The following ZNF521 variants were observed in gnomAD, a reference collection of about 807,000 sequenced individuals.
ZNF521 encodes the protein zinc finger protein 521.
A neutral mutation model predicts 105.5 loss-of-function variants in ZNF521; 14 were observed. The ratio of observed to expected loss-of-function variants is 0.13; its 90% confidence interval spans 0.09 to 0.21. The LOEUF is 0.21. Ranked by LOEUF, ZNF521 falls within the 10% of genes least tolerant of loss-of-function variation. The probability of loss-of-function intolerance (pLI) is 1.00; values close to 1 mark genes in which losing one functional copy is unlikely to be tolerated. For synonymous variants in ZNF521, 635 were observed against 606.0 expected, an observed-to-expected ratio of 1.05 and a Z score of -0.70; for missense variants, 1,233 against 1,629.7, an observed-to-expected ratio of 0.76 and a Z score of 4.19.
At chr18:25,204,007 G>C (rs539317165) in intron 4 of ZNF521, among the ~76,000 whole-genome samples, 28 of 152,048 alleles carry the variant, frequency 1.8e-4, no homozygotes, top group Non-Finnish European at 3.8e-4. Flanking sequence ...GCACCTCCCC[G>C]CCACTCTCTA....
intron 7 of ZNF521, among the ~76,000 whole-genome samples, chr18:25,070,449 A>G (rs1379811411): frequency 6.6e-6 from 1 of 152,152 alleles, no homozygotes; most frequent in East Asian, 1.9e-4. Context: ...ATCTCATCCA[A>G]AGCAACCTAG....
At chr18:25,313,235 G>A (rs1228765647) in intron 3 of ZNF521, among the ~76,000 whole-genome samples, 2 of 152,056 alleles carry the variant, frequency 1.3e-5, no homozygotes, top group African/African-American at 2.4e-5. Flanking sequence ...AGTCTACAGT[G>A]TCCAGCAAAC....
intron 7 of ZNF521, among the ~76,000 whole-genome samples, chr18:25,065,735 A>G (rs1368665278): frequency 6.6e-6 from 1 of 152,190 alleles, no homozygotes. Flanking sequence ...GTAAAAGAGT[A>G]CACAGTGCAA....
At position 25,227,513 on chromosome 18, in the gene ZNF521, G is replaced by C. The variant is rs763834746; in HGVS notation, c.405C>G (p.His135Gln). 1 of 1,613,984 alleles carries C rather than the reference G, an allele frequency of 6.2e-7. No homozygotes were observed. The highest frequency in any genetic ancestry group is 8.5e-7 in the Non-Finnish European group (1 of 1,180,014). Residue 135 changes from histidine to glutamine, a missense_variant, in exon 4 of 8, where the codon CAC (histidine) becomes CAG (glutamine). Physicochemically the swap from His to Gln is conservative, Grantham distance 24 (BLOSUM62 0). Around this residue, in one of 6 missense-constraint regions of ZNF521, gnomAD observed 85 missense variants for 162.2 expected, o/e 0.52. Transcript: ENST00000361524. This position sits in a 1 kb window ranked among gnomAD's most constrained non-coding sequence, Gnocchi z 5.7. Reference protein sequence around the residue: ...KSFSRLSYLKHHEQSHSDKLP... With the variant: ...KSFSRLSYLKQHEQSHSDKLP... ...GTTTGTCACTGTGACTCTGCTCATGGTGCTTTAGGTAGCTGAGGCGGCTAA... is the reference window on the plus strand; with the variant it reads ...GTTTGTCACTGTGACTCTGCTCATGCTGCTTTAGGTAGCTGAGGCGGCTAA...
At chr18:25,345,537 T>A (rs922544688) in intron 2 of ZNF521, among the ~76,000 whole-genome samples, 1 of 152,218 alleles carries the variant, frequency 6.6e-6, no homozygotes, top group Non-Finnish European at 1.5e-5. Context: ...TTTTTGTTTT[T>A]AAGGCCAAGT....
chr18:25,101,024 T>C (rs1485290987), intron 5 of ZNF521, among the ~76,000 whole-genome samples: 1 of 152,216 alleles, frequency 6.6e-6, no homozygotes, highest in Non-Finnish European at 1.5e-5. Context: ...TCATGTATTC[T>C]AAATTAAACC....
intron 3 of ZNF521, among the ~76,000 whole-genome samples, chr18:25,270,199 C>A (rs1157467389): frequency 6.6e-6 from 1 of 152,070 alleles, no homozygotes; most frequent in Non-Finnish European, 1.5e-5. Context: ...TGGATAAATT[C>A]CGGGACACAA....
At chr18:25,341,566 T>C (rs4371236) in intron 2 of ZNF521, among the ~76,000 whole-genome samples, 69,235 of 152,030 alleles carry the variant, frequency 0.46, 16,122 homozygotes, top group Middle Eastern at 0.51. Context: ...GTTCTATATA[T>C]TGTGCTTAGT....
Position 25,062,435 on chromosome 18 carries a change from T to A in ZNF521, c.*277A>T, listed in dbSNP as rs1599948863. 3 of 358,828 alleles carry A rather than the reference T, an allele frequency of 8.4e-6. No individual in the cohort carries two copies. The highest frequency in any genetic ancestry group is 4.9e-6 in the Non-Finnish European group (1 of 204,756). The allele number at this position is 358,828 out of a possible 1,614,324, so 22.2% of individuals were successfully genotyped here. On this transcript the variant is annotated 3_prime_UTR_variant, in exon 8 of 8. Coordinates refer to ENST00000361524, the MANE Select transcript of ZNF521 (RefSeq NM_015461.3). Reference sequence around the variant, plus strand: ...TTTGGTCATAGTCTTTTTTTTTTTTTAATCTTGCCTGAATAGGGCCCAAGT... The same window carrying A: ...TTTGGTCATAGTCTTTTTTTTTTTTAAATCTTGCCTGAATAGGGCCCAAGT...
intron 5 of ZNF521, among the ~76,000 whole-genome samples, chr18:25,137,618 C>T (rs1489938147): frequency 6.6e-6 from 1 of 152,116 alleles, no homozygotes; most frequent in East Asian, 1.9e-4. Flanking sequence ...TCAAGTCCGT[C>T]TTCTTCATTT....
At chr18:25,092,430 T>G (rs1295275688) in intron 5 of ZNF521, among the ~76,000 whole-genome samples, 1 of 152,166 alleles carries the variant, frequency 6.6e-6, no homozygotes, top group Non-Finnish European at 1.5e-5. Context: ...AATAAAAAAG[T>G]GTGGACAGCT....
chr18:25,074,812 G>A (rs986024610), intron 7 of ZNF521, among the ~76,000 whole-genome samples: 1 of 151,836 alleles, frequency 6.6e-6, no homozygotes, highest in Non-Finnish European at 1.5e-5. Flanking sequence ...GGTCTCTGTG[G>A]GACAGTTTCC....
At position 25,062,409 on chromosome 18, in the gene ZNF521, T is replaced by G; in HGVS notation, c.*303A>C. 1 of 342,080 alleles carries G rather than the reference T, an allele frequency of 2.9e-6. No homozygotes were observed. The highest frequency in any genetic ancestry group is 5.2e-6 in the Non-Finnish European group (1 of 193,586). The allele number at this position is 342,080 out of a possible 1,614,324, so 21.2% of individuals were successfully genotyped here. A position where few individuals can be genotyped will look rare whatever the true frequency, so the allele number is the denominator to read the frequency against. ...CTTAAAAATACTTTATCTTAAGCCA[T>G]TTTGGTCATAGTCTTTTTTTTTTTT... On this transcript the variant is annotated 3_prime_UTR_variant, in exon 8 of 8. Transcript: ENST00000361524.
intron 5 of ZNF521, among the ~76,000 whole-genome samples, chr18:25,113,023 T>C (rs1370410552): frequency 1.3e-5 from 2 of 150,650 alleles, no homozygotes; most frequent in African/African-American, 4.9e-5. Flanking sequence ...TAACCTTTTT[T>C]TTTTTCCTCT....
chr18:25,349,762 G>C (rs944955884), intron 2 of ZNF521, among the ~76,000 whole-genome samples: 13 of 150,688 alleles, frequency 8.6e-5, no homozygotes, highest in African/African-American at 3.1e-4. Flanking sequence ...GGGCCGGGCC[G>C]CGCGGACCTC....
chr18:25,210,733 C>T (rs148676864), intron 4 of ZNF521, among the ~76,000 whole-genome samples: 120 of 152,246 alleles, frequency 7.9e-4, no homozygotes, highest in African/African-American at 2.8e-3. Context: ...AGTAACTAAC[C>T]GGGGACCCAC....
chr18:25,178,708 T>C (rs993786311), intron 5 of ZNF521, among the ~76,000 whole-genome samples: 2 of 152,240 alleles, frequency 1.3e-5, no homozygotes, highest in African/African-American at 4.8e-5. Context: ...GAAAAATCTT[T>C]TAATGGAAAG....
At chr18:25,328,402 A>AAC (rs57967888) in intron 2 of ZNF521, among the ~76,000 whole-genome samples, 3,240 of 141,702 alleles carry the variant, frequency 0.023, 49 homozygotes, top group East Asian at 0.057. Context: ...GGGGAGGTTA[A>AAC]ACACACACAC....
At chr18:25,351,857 A>G in intron 1 of ZNF521, 148 bp downstream of exon 1, 1 of 216,478 alleles carries the variant, frequency 4.6e-6, no homozygotes, top group South Asian at 6.0e-5. Context: ...CGGGGCTCTA[A>G]AGTCTACGGC....
Sources: gnomAD v4.1 joint callset for allele counts (sites outside exome capture counted in the v4.1 genomes callset) on GRCh38, gnomAD v4.1.1 for gene constraint, gnomAD v4.1.1 regional missense constraint, Gnocchi (gnomAD v3.1) non-coding constraint, MANE v1.5 for transcripts, NCBI Gene and HGNC (gene_info 2026-07-23, HGNC 2026-07-21) for gene names.